SLC1A5: variants seen among roughly 807,000 people sequenced by gnomAD.
The protein encoded by SLC1A5 is neutral amino acid transporter B(0).
A neutral mutation model predicts 34.9 loss-of-function variants in SLC1A5; 25 were observed. The ratio of observed to expected loss-of-function variants is 0.72; its 90% CI spans 0.52 to 1.00. The LOEUF (loss-of-function observed/expected upper bound fraction) is 1.00, where lower values mean the gene tolerates loss of function less well. SLC1A5 is among the 50% of genes least tolerant of loss of function. The pLI, the probability that SLC1A5 is intolerant of heterozygous loss-of-function variation, is 0.00. For synonymous variants in SLC1A5, 351 were observed against 341.2 expected (o/e 1.03, Z -0.32); for missense variants, 637 against 740.0 (o/e 0.86, Z 1.61).
chr19:46,775,375 G>T lies in SLC1A5; in HGVS notation c.*135C>A. ...CAGGCATCCCAGATCTCCTGTCCTG[G>T]AGGGTGCTGGGGCCCCTGGCTCCCC... is the stretch of plus-strand genomic sequence containing the variant. On this transcript the variant is annotated 3_prime_UTR_variant, in exon 8 of 8. Transcript: ENST00000542575. 6.6e-7 allele frequency: 1 copy of T among 1,504,524 alleles called. No homozygotes were observed. Among genetic ancestry groups the T allele is most frequent in the Non-Finnish European group, 8.8e-7 (1 of 1,130,106 alleles). 93.2% of individuals were successfully genotyped at this position (1,504,524 alleles called of 1,614,324 possible). A position where few individuals can be genotyped will look rare whatever the true frequency, so the allele number is the denominator to read the frequency against.
In SLC1A5 at chr19:46,784,457, C is replaced by T. The variant is rs1257377355; in HGVS notation, c.609+60G>A. 4 of 1,600,630 alleles carry T rather than the reference C, an allele frequency of 2.5e-6. No individual in the cohort carries two copies. The East Asian group carries it at 8.9e-5, about 36-fold the overall frequency. On this transcript the variant is annotated intron_variant, in intron 2 of 7. Coordinates refer to ENST00000542575, the MANE Select transcript of SLC1A5 (RefSeq NM_005628.3). Reference sequence around the variant, plus strand: ...ACCAAAATCAGGTAGCAAGGGCTCCCCCTGGCTGGCATCCCTCCCTGTCCA... The same window carrying T: ...ACCAAAATCAGGTAGCAAGGGCTCCTCCTGGCTGGCATCCCTCCCTGTCCA...
chr19:46,778,649 C>T (rs1228977134), intron 5 of SLC1A5, 26 bp downstream of exon 5: 1 of 1,005,128 alleles, frequency 9.9e-7, no homozygotes, highest in Admixed American at 1.9e-5. Context: ...TTAAACATCC[C>T]ACCCTAGCCC....
chr19:46,775,063 ACACACACAC>A lies in SLC1A5; in HGVS notation c.*438_*446del. 1 of 517,318 alleles carries A rather than the reference ACACACACAC, an allele frequency of 1.9e-6. No individual in the cohort carries two copies. Among genetic ancestry groups the A allele is most frequent in the Non-Finnish European group, 2.4e-6 (1 of 422,278 alleles). 32.0% of individuals were successfully genotyped at this position (517,318 alleles called of 1,614,324 possible). A position where few individuals can be genotyped will look rare whatever the true frequency, so the allele number is the denominator to read the frequency against. ...ACAGGAGGTCACAGAACACACACAC[ACACACACAC>A]ACACACACACACACACACGTGCACA... is the stretch of plus-strand genomic sequence containing the variant. On this transcript the variant is annotated 3_prime_UTR_variant, in exon 8 of 8. Transcript: ENST00000542575.
At chr19:46,777,640 C>A (rs1284068986) in intron 5 of SLC1A5, among the ~76,000 whole-genome samples, 1 of 147,256 alleles carries the variant, frequency 6.8e-6, no homozygotes, top group African/African-American at 2.5e-5. Context: ...CCAGAGCCCA[C>A]CCACACCACC....
intron 1 of SLC1A5, among the ~76,000 whole-genome samples, chr19:46,785,905 C>A (rs2055182510): frequency 6.6e-6 from 1 of 152,146 alleles, no homozygotes; most frequent in South Asian, 2.1e-4. Flanking sequence ...CATGGCAAAA[C>A]CCCGTCTCTA....
At position 46,788,186 on chromosome 19, in the gene SLC1A5, T is replaced by C; in HGVS notation, c.-221A>G. 2.0e-6 allele frequency: 1 copy of C among 512,044 alleles called. No individual in the cohort carries two copies. The highest frequency in any genetic ancestry group is 3.4e-6 in the Non-Finnish European group (1 of 295,416). 31.7% of individuals were successfully genotyped at this position (512,044 alleles called of 1,614,324 possible). On this transcript the variant is annotated 5_prime_UTR_variant, in exon 1 of 8. Coordinates refer to ENST00000542575, the MANE Select transcript of SLC1A5 (RefSeq NM_005628.3). ...AGGCTGGGCGCTGAGGCTTCTCTGCTCTGCCCCGTGTGCCAGATGTCCGAA... is the reference window on the plus strand; with the variant it reads ...AGGCTGGGCGCTGAGGCTTCTCTGCCCTGCCCCGTGTGCCAGATGTCCGAA...
At chr19:46,782,348 C>CT in intron 4 of SLC1A5, 35 bp downstream of exon 4, 1 of 551,998 alleles carries the variant, frequency 1.8e-6, no homozygotes, top group Admixed American at 3.0e-5. Context: ...ACCCTCCAAC[C>CT]CCACCCACCC....
chr19:46,785,658 C>T (rs1034463609), intron 1 of SLC1A5, among the ~76,000 whole-genome samples: 7 of 152,204 alleles, frequency 4.6e-5, no homozygotes, highest in Admixed American at 6.6e-5. Context: ...GTACAGCCAA[C>T]GCCATGTGCC....
chr19:46,782,342 T>TCCAACCCCCCCCCCCCCCCCCCCC, intron 4 of SLC1A5, 41 bp downstream of exon 4: 1 of 523,372 alleles, frequency 1.9e-6, no homozygotes, highest in Non-Finnish European at 3.5e-6. Context: ...AGACCGACCC[T>TCCAACCCCCCCCCCCCCCCCCCCC]CCAACCCCAC....
Position 46,784,398 on chromosome 19 carries a change from G to T in SLC1A5, c.609+119C>A, listed in dbSNP as rs542528224. The T allele has an allele frequency of 2.1e-5, 24 of 1,149,332 alleles. No individual in the cohort carries two copies. The South Asian group carries it at 3.2e-4, about 15-fold the overall frequency. 71.2% of individuals were successfully genotyped at this position (1,149,332 alleles called of 1,614,324 possible). A position where few individuals can be genotyped will look rare whatever the true frequency, so the allele number is the denominator to read the frequency against. On this transcript the variant is annotated intron_variant, in intron 2 of 7. Transcript: ENST00000542575. The stretch of plus-strand genomic sequence containing the variant: ...AAAACTCACAGGAGGCTCTGAGCCC[G>T]TATTCTCATTGACATGCATTTTTCC...
intron 1 of SLC1A5, among the ~76,000 whole-genome samples, chr19:46,785,565 A>C (rs2055180445): frequency 6.6e-6 from 1 of 152,228 alleles, no homozygotes. Context: ...CCAGCTGGGA[A>C]ATAGCAGAGC....
chr19:46,782,354 C>T lies in SLC1A5; in HGVS notation c.824+29G>A, dbSNP rs750623416. ...AGCAGACCGACCCTCCAACCCCACC[C>T]ACCCCCAGCCTCCTCTCCCACCACC... is the stretch of plus-strand genomic sequence containing the variant. On this transcript the variant is annotated intron_variant, in intron 4 of 7. Coordinates refer to ENST00000542575, the MANE Select transcript of SLC1A5 (RefSeq NM_005628.3). 4 of 827,398 alleles carry T rather than the reference C, an allele frequency of 4.8e-6. No individual in the cohort carries two copies. The East Asian group carries it at 1.2e-4, about 24-fold the overall frequency. The allele number at this position is 827,398 out of a possible 1,614,324, so 51.3% of individuals were successfully genotyped here.
chr19:46,784,070 G>T, intron 3 of SLC1A5, 27 bp downstream of exon 3: 1 of 1,594,934 alleles, frequency 6.3e-7, no homozygotes. Flanking sequence ...AAGAGGTAGA[G>T]CCCCCGCTGC....
Position 46,784,549 on chromosome 19 carries a change from G to C in SLC1A5, c.577C>G (p.Pro193Ala). Reference sequence around the variant, plus strand: ...AAGGCTGCTGACACCAGGTTGGAAGGGAAGATATTTCTGCAGAGACAGACA... The same window carrying C: ...AAGGCTGCTGACACCAGGTTGGAAGCGAAGATATTTCTGCAGAGACAGACA... ...SFLDLARNIF[P>A]SNLVSAAFRS... is the part of the protein sequence containing the mutation. Residue 193 changes from proline to alanine, a missense_variant, in exon 2 of 8, where the codon CCT (proline) becomes GCT (alanine). Pro to Ala is a conservative substitution (Grantham distance 27). Transcript: ENST00000542575. The C allele has an allele frequency of 6.2e-7, 1 of 1,614,092 alleles. No individual in the cohort carries two copies.
chr19:46,786,168 C>T (rs2055184739), intron 1 of SLC1A5, among the ~76,000 whole-genome samples: 1 of 151,994 alleles, frequency 6.6e-6, no homozygotes, highest in Non-Finnish European at 1.5e-5. Context: ...CTGGTGGCAT[C>T]ACTGAATGGC....
In SLC1A5 at chr19:46,787,512, C is replaced by G; in HGVS notation, c.454G>C (p.Ala152Pro). The change falls in exon 1 of 8, where the codon GCT becomes CCT. Residue 152 changes from alanine (A) to proline (P), a missense_variant. Coordinates refer to ENST00000542575, the MANE Select transcript of SLC1A5 (RefSeq NM_005628.3). The surrounding 1 kb of genome is among the most constrained non-coding windows in gnomAD (Gnocchi z 5.2). ...GCGGAGGCGGCGCCCGGCTGCAGAG[C>G]CAGCGCCAAGCCCACTCCGAGCGCC... The part of the protein sequence containing the change: ...ASALGVGLAL[A>P]LQPGAASAAI... The G allele has an allele frequency of 1.3e-6, 2 of 1,580,044 alleles. No homozygotes were observed. The highest frequency in any genetic ancestry group is 1.1e-5 in the South Asian group (1 of 87,034).
At chr19:46,785,000 A>G in intron 1 of SLC1A5, 1 of 476,808 alleles carries the variant, frequency 2.1e-6, no homozygotes, top group East Asian at 7.5e-5. Flanking sequence ...GGAGGGAGAA[A>G]AGGGACGGCT....
Position 46,784,274 on chromosome 19 carries a change from C to A in SLC1A5, c.610-130G>T, listed in dbSNP as rs2055170244. On this transcript the variant is annotated intron_variant, in intron 2 of 7. Coordinates refer to ENST00000542575, the MANE Select transcript of SLC1A5 (RefSeq NM_005628.3). Reference sequence around the variant, plus strand: ...GTGATCTCATTTCATCTGCTGGCAACCCCATGGGGCAGGATGATCAATACC... The same window carrying A: ...GTGATCTCATTTCATCTGCTGGCAAACCCATGGGGCAGGATGATCAATACC... The A allele has an allele frequency of 4.3e-5, 35 of 818,126 alleles. No homozygotes were observed. The South Asian group carries it at 5.2e-4, about 12-fold the overall frequency. The allele number at this position is 818,126 out of a possible 1,614,324, so 50.7% of individuals were successfully genotyped here.
intron 4 of SLC1A5, 41 bp downstream of exon 4, chr19:46,782,342 T>TGCCCCCCCCCCCCCCCCCCCCCCCCCCCC: frequency 1.9e-6 from 1 of 523,372 alleles, no homozygotes. Flanking sequence ...AGACCGACCC[T>TGCCCCCCCCCCCCCCCCCCCCCCCCCCCC]CCAACCCCAC....
Sources: allele counts gnomAD v4.1 joint callset (sites outside exome capture counted in the v4.1 genomes callset), GRCh38; gene constraint gnomAD v4.1.1; non-coding constraint Gnocchi (gnomAD v3.1); transcripts MANE v1.5; gene names NCBI Gene and HGNC (gene_info 2026-07-23, HGNC 2026-07-21).